DSCAML1: variants seen among roughly 807,000 people sequenced by gnomAD.
DSCAML1 encodes the protein DS cell adhesion molecule like 1, also known as cell adhesion molecule DSCAML1.
In DSCAML1, 38 loss-of-function variants were observed where a neutral mutation model predicts 200.5. The ratio of observed to expected loss-of-function variants is 0.19; its 90% CI spans 0.15 to 0.25. DSCAML1 has a LOEUF of 0.25. Ranked by LOEUF, DSCAML1 falls within the 10% of genes least tolerant of loss-of-function variation. DSCAML1 has a pLI of 1.00. For synonymous variants in DSCAML1, 1,215 were observed against 1,165.0 expected (o/e 1.04, Z -0.87); for missense variants, 2,223 against 2,858.8 (o/e 0.78, Z 5.07).
intron 32 of DSCAML1, among the ~76,000 whole-genome samples, chr11:117,430,463 AT>A (rs1346387399): frequency 2.0e-5 from 3 of 152,224 alleles, no homozygotes; most frequent in Non-Finnish European, 4.4e-5. Flanking sequence ...TATCGTTGGC[AT>A]TTTACAAATG....
intron 3 of DSCAML1, chr11:117,611,983 C>T (rs1184209501): frequency 1.3e-5 from 2 of 152,316 alleles, no homozygotes; most frequent in Non-Finnish European, 2.9e-5. Context: ...CCTACCATCC[C>T]CCCAACACAC....
intron 4 of DSCAML1, among the ~76,000 whole-genome samples, chr11:117,526,345 C>G (rs1189323685): frequency 1.3e-5 from 2 of 152,182 alleles, no homozygotes; most frequent in Non-Finnish European, 2.9e-5. Flanking sequence ...GCTGGGTCAC[C>G]TGGGTCACCT....
intron 3 of DSCAML1, among the ~76,000 whole-genome samples, chr11:117,575,513 G>A (rs571728993): frequency 1.3e-5 from 2 of 152,208 alleles, no homozygotes; most frequent in South Asian, 4.1e-4. Flanking sequence ...CCTGGCATCT[G>A]GTTTGATAAA....
chr11:117,755,366 C>T (rs578012360), intron 3 of DSCAML1, among the ~76,000 whole-genome samples: 1 of 152,284 alleles, frequency 6.6e-6, no homozygotes, highest in South Asian at 2.1e-4. Context: ...AATCCAGGCT[C>T]CTGGTTGAGG....
At chr11:117,710,010 A>G (rs1457354708) in intron 3 of DSCAML1, among the ~76,000 whole-genome samples, 1 of 152,198 alleles carries the variant, frequency 6.6e-6, no homozygotes, top group Non-Finnish European at 1.5e-5. Flanking sequence ...TGTTGGGGCA[A>G]GGATGGCTGT....
intron 3 of DSCAML1, among the ~76,000 whole-genome samples, chr11:117,652,431 A>G (rs2052652497): frequency 6.6e-6 from 1 of 152,182 alleles, no homozygotes; most frequent in Non-Finnish European, 1.5e-5. Flanking sequence ...CATGCCCTTG[A>G]ATTGGGGAAG....
At chr11:117,634,962 A>T (rs2052247284) in intron 3 of DSCAML1, among the ~76,000 whole-genome samples, 1 of 152,226 alleles carries the variant, frequency 6.6e-6, no homozygotes, top group South Asian at 2.1e-4. Flanking sequence ...GGCAAGGCAC[A>T]GGGCACGAGT....
intron 6 of DSCAML1, among the ~76,000 whole-genome samples, chr11:117,519,022 A>G (rs993816236): frequency 6.6e-6 from 1 of 152,170 alleles, no homozygotes; most frequent in African/African-American, 2.4e-5. Context: ...AACCTCTCTG[A>G]GTCTTTTGTC....
intron 5 of DSCAML1, among the ~76,000 whole-genome samples, chr11:117,522,912 C>T (rs533179570): frequency 6.6e-6 from 1 of 152,182 alleles, no homozygotes; most frequent in African/African-American, 2.4e-5. Flanking sequence ...CCTTGGTGGT[C>T]CAAACAAGCC....
intron 3 of DSCAML1, among the ~76,000 whole-genome samples, chr11:117,662,006 C>A (rs1324771236): frequency 1.3e-5 from 2 of 152,222 alleles, no homozygotes; most frequent in Non-Finnish European, 2.9e-5. Context: ...ACCATGAGGG[C>A]TTGGAGTGGC....
rs760867107 is a variant in DSCAML1, at chr11:117,430,971, G to A, written c.5437C>T (p.Arg1813Trp). Residue 1813 changes from arginine to tryptophan, a missense_variant, in exon 32 of 33, where the codon CGG (arginine) becomes TGG (tryptophan). This residue lies in a region of DSCAML1 where 96 missense variants were observed against 160.7 expected (regional missense o/e 0.60). Transcript: ENST00000651296. ...SASSTYEELARAYEHAKLEEQ... is the reference protein window; with the variant it reads ...SASSTYEELAWAYEHAKLEEQ... ...TCCAGCTTGGCATGCTCATAGGCCC[G>A]GGCCAGCTCCTCGTAGGTGGAAGAG... 5 of 1,614,146 alleles carry A rather than the reference G, an allele frequency of 3.1e-6. No individual in the cohort carries two copies. Among genetic ancestry groups the A allele is most frequent in the South Asian group, 1.1e-5 (1 of 91,070 alleles).
intron 3 of DSCAML1, among the ~76,000 whole-genome samples, chr11:117,538,895 T>C (rs965012039): frequency 2.6e-5 from 4 of 151,906 alleles, no homozygotes; most frequent in African/African-American, 7.3e-5. Flanking sequence ...AAGGAAAGGA[T>C]TGAAGGAGGC....
rs1366422574 is a variant in DSCAML1, at chr11:117,444,048, C to T, written c.3709-9G>A. The T allele has an allele frequency of 6.2e-7, 1 of 1,607,790 alleles. No individual in the cohort carries two copies. The highest frequency in any genetic ancestry group is 1.1e-5 in the South Asian group (1 of 90,426). On this transcript the variant is annotated splice_polypyrimidine_tract_variant and intron_variant, in intron 20 of 32. Coordinates refer to ENST00000651296, the MANE Select transcript of DSCAML1 (RefSeq NM_020693.4). Reference sequence around the variant, plus strand: ...TCGTACTCGCTGGGAGCCTGCGGGGCAGAGGCAAAGAGGCTCTAAGAAGCA... The same window carrying T: ...TCGTACTCGCTGGGAGCCTGCGGGGTAGAGGCAAAGAGGCTCTAAGAAGCA...
chr11:117,815,466 C>G (rs574978407), intron 1 of DSCAML1, among the ~76,000 whole-genome samples: 2 of 152,288 alleles, frequency 1.3e-5, no homozygotes, highest in African/African-American at 4.8e-5. Flanking sequence ...AAATTGCTTC[C>G]CCAGCTCAGA....
At chr11:117,664,233 G>T (rs997226852) in intron 3 of DSCAML1, among the ~76,000 whole-genome samples, 19 of 152,026 alleles carry the variant, frequency 1.2e-4, no homozygotes, top group African/African-American at 3.6e-4. Context: ...GCCTAGACCG[G>T]CGAGGGGCCG....
intron 3 of DSCAML1, among the ~76,000 whole-genome samples, chr11:117,635,002 C>T (rs2052248412): frequency 6.6e-6 from 1 of 152,240 alleles, no homozygotes; most frequent in South Asian, 2.1e-4. Context: ...TCTCCTCCCT[C>T]AGCTGGCACC....
chr11:117,591,477 C>T (rs1036487000), intron 3 of DSCAML1, among the ~76,000 whole-genome samples: 2 of 152,212 alleles, frequency 1.3e-5, no homozygotes, highest in Non-Finnish European at 2.9e-5. Context: ...TGTCACAATG[C>T]ATTTACTGTA....
intron 3 of DSCAML1, among the ~76,000 whole-genome samples, chr11:117,624,670 C>A (rs933912857): frequency 3.3e-5 from 5 of 152,134 alleles, no homozygotes; most frequent in African/African-American, 1.2e-4. Context: ...GCCCCAGGAG[C>A]ACTCTTCTCC....
intron 6 of DSCAML1, 120 bp downstream of exon 6, chr11:117,521,010 G>C (rs1164295912): frequency 7.5e-7 from 1 of 1,337,392 alleles, no homozygotes; most frequent in East Asian, 2.3e-5. Flanking sequence ...TGGTGCACCG[G>C]CCTGGTGTGT....
Sources: gnomAD v4.1 joint callset for allele counts (sites outside exome capture counted in the v4.1 genomes callset) on GRCh38, gnomAD v4.1.1 for gene constraint, gnomAD v4.1.1 regional missense constraint, MANE v1.5 for transcripts, NCBI Gene and HGNC (gene_info 2026-07-23, HGNC 2026-07-21) for gene names.